CRIM1: variants seen among roughly 807,000 people sequenced by gnomAD.
CRIM1 encodes the protein cysteine rich transmembrane BMP regulator 1.
A neutral mutation model predicts 116.4 loss-of-function variants in CRIM1; 32 were observed. The ratio of observed to expected loss-of-function variants is 0.27; its 90% CI spans 0.21 to 0.37. CRIM1 has a LOEUF of 0.37. CRIM1 is among the 10% of genes least tolerant of loss of function. The pLI is 1.00. For synonymous variants in CRIM1, 590 were observed against 509.2 expected (o/e 1.16, Z -2.13); for missense variants, 1,331 against 1,354.8 (o/e 0.98, Z 0.28).
chr2:36,540,614 C>T (rs899706569), intron 14 of CRIM1, among the ~76,000 whole-genome samples: 8 of 152,122 alleles, frequency 5.3e-5, no homozygotes, highest in Non-Finnish European at 8.8e-5. Flanking sequence ...TTTTTCAGGC[C>T]TTAATTATCA....
intron 14 of CRIM1, among the ~76,000 whole-genome samples, chr2:36,542,262 C>T (rs765516192): frequency 6.6e-6 from 1 of 152,222 alleles, no homozygotes; most frequent in Non-Finnish European, 1.5e-5. Context: ...AAACCAGTGC[C>T]TGCCATGTAG....
intron 2 of CRIM1, among the ~76,000 whole-genome samples, chr2:36,408,974 T>C (rs190709364): frequency 6.6e-6 from 1 of 151,610 alleles, no homozygotes; most frequent in African/African-American, 2.4e-5. Context: ...GCCAGTATTA[T>C]ATATTTACTA....
chr2:36,510,351 T>C, intron 9 of CRIM1, among the ~76,000 whole-genome samples: 1 of 152,182 alleles, frequency 6.6e-6, no homozygotes, highest in African/African-American at 2.4e-5. Context: ...TTTATGGACA[T>C]GGGCCAGACA....
chr2:36,411,897 GAAAT>G (rs1027175494), intron 2 of CRIM1, among the ~76,000 whole-genome samples: 3 of 152,126 alleles, frequency 2.0e-5, no homozygotes, highest in Non-Finnish European at 4.4e-5. Flanking sequence ...TATGACTCCT[GAAAT>G]AAATATTATT....
At chr2:36,396,477 T>G in intron 1 of CRIM1, 137 bp from the exon 2 acceptor site, 2 of 548,538 alleles carry the variant, frequency 3.6e-6, no homozygotes, top group South Asian at 6.9e-5. Flanking sequence ...TTTGTAAAGT[T>G]TCAGCCAGAC....
intron 7 of CRIM1, among the ~76,000 whole-genome samples, chr2:36,490,028 C>T (rs1680113366): frequency 6.6e-6 from 1 of 152,190 alleles, no homozygotes; most frequent in South Asian, 2.1e-4. Context: ...CAGACCCACC[C>T]ACCGTCTCAG....
chr2:36,448,958 C>T (rs1321919753), intron 4 of CRIM1, among the ~76,000 whole-genome samples: 3 of 151,936 alleles, frequency 2.0e-5, no homozygotes, highest in Non-Finnish European at 4.4e-5. Context: ...ACATGTGTAT[C>T]TCTTGTGTTC....
chr2:36,502,949 C>T (rs1681105938), intron 8 of CRIM1, among the ~76,000 whole-genome samples: 1 of 152,158 alleles, frequency 6.6e-6, no homozygotes, highest in African/African-American at 2.4e-5. Context: ...TAAAGTTAGT[C>T]TTGTCATCTC....
intron 4 of CRIM1, among the ~76,000 whole-genome samples, chr2:36,447,240 T>A (rs1021360006): frequency 6.7e-6 from 1 of 149,684 alleles, no homozygotes; most frequent in African/African-American, 2.5e-5. Context: ...GGTTTTTTAA[T>A]TTTTTTTTTA....
chr2:36,403,253 A>T (rs541539791), intron 2 of CRIM1, among the ~76,000 whole-genome samples: 1 of 152,330 alleles, frequency 6.6e-6, no homozygotes, highest in African/African-American at 2.4e-5. Context: ...GGAGGAAGAC[A>T]CTTAGGGCTT....
intron 1 of CRIM1, among the ~76,000 whole-genome samples, chr2:36,367,274 T>G (rs1417186732): frequency 6.6e-6 from 1 of 152,166 alleles, no homozygotes; most frequent in Non-Finnish European, 1.5e-5. Flanking sequence ...CCAAATAAAT[T>G]TCTGTGTTTT....
intron 13 of CRIM1, among the ~76,000 whole-genome samples, chr2:36,535,376 C>G (rs536910142): frequency 1.3e-5 from 2 of 152,312 alleles, no homozygotes; most frequent in East Asian, 1.9e-4. Flanking sequence ...CCATATTAAT[C>G]AAGAACTTCT....
At chr2:36,414,758 G>T (rs1403997049) in intron 2 of CRIM1, among the ~76,000 whole-genome samples, 3 of 152,198 alleles carry the variant, frequency 2.0e-5, no homozygotes, top group African/African-American at 7.2e-5. Context: ...GGGACTTAAA[G>T]TTGTGATGTG....
At chr2:36,547,225 C>T in intron 16 of CRIM1, 54 bp downstream of exon 16, 2 of 1,435,130 alleles carry the variant, frequency 1.4e-6, no homozygotes, top group South Asian at 2.4e-5. Flanking sequence ...AAAACTTACA[C>T]TCATATTGAA....
chr2:36,503,405 AAAT>A (rs1210042482), intron 8 of CRIM1, among the ~76,000 whole-genome samples: 1 of 150,110 alleles, frequency 6.7e-6, no homozygotes, highest in East Asian at 1.9e-4. Context: ...TTTGAGGACT[AAAT>A]AAATGAATGA....
intron 3 of CRIM1, 22 bp downstream of exon 3, chr2:36,441,522 G>C: frequency 1.2e-6 from 2 of 1,603,238 alleles, no homozygotes; most frequent in East Asian, 4.5e-5. Context: ...CTCTGTCTCA[G>C]CAGCCTTGTT....
intron 11 of CRIM1, among the ~76,000 whole-genome samples, chr2:36,516,023 T>C (rs1045411567): frequency 6.6e-6 from 1 of 152,244 alleles, no homozygotes; most frequent in Non-Finnish European, 1.5e-5. Context: ...TGCTTGTGAA[T>C]GTAAGCATTG....
chr2:36,497,278 C>T (rs898105990), intron 7 of CRIM1, among the ~76,000 whole-genome samples: 7 of 152,194 alleles, frequency 4.6e-5, no homozygotes, highest in African/African-American at 1.4e-4. Flanking sequence ...CGCTCTAGAA[C>T]ATAGAAGTCC....
chr2:36,416,670 T>C (rs1177136781), intron 2 of CRIM1, among the ~76,000 whole-genome samples: 1 of 152,230 alleles, frequency 6.6e-6, no homozygotes, highest in Non-Finnish European at 1.5e-5. Flanking sequence ...TTCAGTGTTT[T>C]TGCTGCCAGT....
Sources: allele counts gnomAD v4.1 joint callset (sites outside exome capture counted in the v4.1 genomes callset), GRCh38; gene constraint gnomAD v4.1.1; transcripts MANE v1.5; gene names NCBI Gene and HGNC (gene_info 2026-07-23, HGNC 2026-07-21).